Variants in IL2RA observed in about 807,000 individuals in gnomAD.
The protein encoded by IL2RA is interleukin 2 receptor subunit alpha, also known as interleukin-2 receptor subunit alpha.
In IL2RA, 24 loss-of-function variants were observed where a neutral mutation model predicts 37.8. The observed-to-expected ratio is 0.63, with a 90% CI of 0.46 to 0.89. The LOEUF (loss-of-function observed/expected upper bound fraction) is 0.89, where lower values mean the gene tolerates loss of function less well. IL2RA is among the 40% of genes least tolerant of loss of function. The probability of loss-of-function intolerance (pLI) is 0.00; values close to 1 mark genes in which losing one functional copy is unlikely to be tolerated. For missense variants in IL2RA, 319 were observed against 348.6 expected (o/e 0.92, Z 0.68); for synonymous variants, 125 against 114.6 (o/e 1.09, Z -0.58).
Position 6,024,315 on chromosome 10 carries a change from T to G in IL2RA, c.296A>C (p.Glu99Ala). Residue 99 changes from glutamate (E) to alanine (A), a missense_variant, in exon 3 of 8, where the codon GAA (glutamate) becomes GCA (alanine). By Grantham distance (107) the Glu-to-Ala change is moderately radical. Transcript: ENST00000379959. ...TGTGGTTTTCCTTTCTTTCTGTTCT[T>G]CAGGTTGAGGTGTCACTTGTTTCGT... The part of the protein sequence containing the change: ...NTTKQVTPQP[E>A]EQKERKTTEM... The G allele has an allele frequency of 6.2e-7, 1 of 1,614,156 alleles. No homozygotes were observed. The highest frequency in any genetic ancestry group is 8.5e-7 in the Non-Finnish European group (1 of 1,179,984).
rs141466955 is a variant in IL2RA, at chr10:6,025,315, C to T, written c.256+519G>A. 1.3e-5 allele frequency among the ~76,000 whole-genome samples: 2 copies of T among 152,202 alleles called. No homozygotes were observed. Among genetic ancestry groups the T allele is most frequent in the African/African-American group, 4.8e-5 (2 of 41,534 alleles). On this transcript the variant is annotated intron_variant, in intron 2 of 7. Coordinates refer to ENST00000379959, the MANE Select transcript of IL2RA (RefSeq NM_000417.3). The surrounding 1 kb of genome is among the most constrained non-coding windows in gnomAD (Gnocchi z 4.4). ...GTTGCAGTGATCTGAGATTGTACCA[C>T]CGCACCCCAGCCTGGGCAACAGAGC... is the stretch of plus-strand genomic sequence containing the variant.
chr10:6,021,542 C>T lies in IL2RA; in HGVS notation c.519G>A (p.Gly173=). The change falls in exon 4 of 8, where the codon GGG becomes GGA. Residue 173 remains glycine, a synonymous_variant. Coordinates refer to ENST00000379959, the MANE Select transcript of IL2RA (RefSeq NM_000417.3). The surrounding 1 kb of genome is among the most constrained non-coding windows in gnomAD (Gnocchi z 4.9). The part of the protein sequence containing the change: ...PAESVCKMTH[G]KTRWTQPQLI... Reference sequence around the variant, plus strand: ...GCTGGGGCTGGGTCCACCTTGTCTTCCCGTGGGTCATTTTGCAGACGCTCT... The same window carrying T: ...GCTGGGGCTGGGTCCACCTTGTCTTTCCGTGGGTCATTTTGCAGACGCTCT... 6.2e-7 allele frequency: 1 copy of T among 1,614,134 alleles called. No individual in the cohort carries two copies. Among genetic ancestry groups the T allele is most frequent in the Non-Finnish European group, 8.5e-7 (1 of 1,180,028 alleles).
rs1245517410 is a variant in IL2RA at position 6,036,198 on chromosome 10, A to C, written c.65-10173T>G. On this transcript the variant is annotated intron_variant, in intron 1 of 7. Transcript: ENST00000379959. This position sits in a 1 kb window ranked among gnomAD's most constrained non-coding sequence, Gnocchi z 6.1. ...TGTGCCCGCTAGAAAGGGAAAAGCC[A>C]GGCATTTGTAGTCCTCCTGCCACAG... 1 of 152,250 alleles carries C rather than the reference A, an allele frequency of 6.6e-6. No individual in the cohort carries two copies. Among genetic ancestry groups the C allele is most frequent in the African/African-American group, 2.4e-5 (1 of 41,456 alleles). The allele number at this position is 152,250 out of a possible 1,614,324, so 9.4% of individuals were successfully genotyped here.
At chr10:6,032,754 T>C (rs1316539778) in intron 1 of IL2RA, among the ~76,000 whole-genome samples, 1 of 150,136 alleles carries the variant, frequency 6.7e-6, no homozygotes, top group Non-Finnish European at 1.5e-5. Context: ...ATATTTGCAA[T>C]ATATATATTT....
Position 6,056,499 on chromosome 10 carries a change from C to T in IL2RA, c.64+5589G>A, listed in dbSNP as rs570879897. Among the ~76,000 whole-genome samples the T allele has an allele frequency of 1.3e-5, 2 of 152,298 alleles. No individual in the cohort carries two copies. Among genetic ancestry groups the T allele is most frequent in the South Asian group, 4.1e-4 (2 of 4,828 alleles). ...GGGCACAGTGGCTCATGCCTGTAAT[C>T]CCAGCACTTTGGAAGGCCCATGCAG... On this transcript the variant is annotated intron_variant, in intron 1 of 7. Coordinates refer to ENST00000379959, the MANE Select transcript of IL2RA (RefSeq NM_000417.3). The surrounding 1 kb of genome is among the most constrained non-coding windows in gnomAD (Gnocchi z 5.0).
Position 6,029,039 on chromosome 10 carries a change from C to G in IL2RA, c.65-3014G>C, listed in dbSNP as rs1839531696. Among the ~76,000 whole-genome samples the G allele has an allele frequency of 6.6e-6, 1 of 150,838 alleles. No homozygotes were observed. The highest frequency in any genetic ancestry group is 2.4e-5 in the African/African-American group (1 of 41,036). Reference sequence around the variant, plus strand: ...AAAATGACCTAGATTTTGGAATTAGCACAAAAGGAATTTAAAACAGTTGTA... The same window carrying G: ...AAAATGACCTAGATTTTGGAATTAGGACAAAAGGAATTTAAAACAGTTGTA... On this transcript the variant is annotated intron_variant, in intron 1 of 7. Transcript: ENST00000379959. This position sits in a 1 kb window ranked among gnomAD's most constrained non-coding sequence, Gnocchi z 4.6.
At chr10:6,019,812 G>A (rs950341876) in intron 5 of IL2RA, 58 bp downstream of exon 5, 2 of 1,502,868 alleles carry the variant, frequency 1.3e-6, no homozygotes, top group African/African-American at 1.4e-5. Flanking sequence ...CTGGCTCCTG[G>A]TCACCTCTGC....
At chr10:6,060,031 C>T (rs1164147382) in intron 1 of IL2RA, among the ~76,000 whole-genome samples, 1 of 152,036 alleles carries the variant, frequency 6.6e-6, no homozygotes, top group Non-Finnish European at 1.5e-5. Flanking sequence ...TCCCCTGCTC[C>T]CTCCAAGACC....
At chr10:6,032,485 G>T (rs1271755657) in intron 1 of IL2RA, among the ~76,000 whole-genome samples, 2 of 152,200 alleles carry the variant, frequency 1.3e-5, no homozygotes, top group East Asian at 3.9e-4. Context: ...AAGGTCAGGA[G>T]ATGGAGACCA....
At chr10:6,042,990 T>A (rs561186411) in intron 1 of IL2RA, among the ~76,000 whole-genome samples, 89 of 152,336 alleles carry the variant, frequency 5.8e-4, no homozygotes, top group African/African-American at 2.0e-3. Flanking sequence ...GTCCATGTTC[T>A]AGGATCAGTG....
At chr10:6,032,152 T>A (rs1839605238) in intron 1 of IL2RA, among the ~76,000 whole-genome samples, 1 of 68,450 alleles carries the variant, frequency 1.5e-5, no homozygotes, top group Non-Finnish European at 2.7e-5. Context: ...GATAAATGTA[T>A]GAGAAAAAAA....
chr10:6,032,752 A>G (rs1320726797), intron 1 of IL2RA, among the ~76,000 whole-genome samples: 5 of 152,100 alleles, frequency 3.3e-5, no homozygotes, highest in African/African-American at 7.2e-5. Flanking sequence ...AAATATTTGC[A>G]ATATATATAT....
chr10:6,030,264 A>G (rs1839555635), intron 1 of IL2RA, among the ~76,000 whole-genome samples: 1 of 152,230 alleles, frequency 6.6e-6, no homozygotes, highest in Non-Finnish European at 1.5e-5. Flanking sequence ...TTGAAATTTG[A>G]TGACAGATAC....
rs149324466 is a variant in IL2RA at position 6,053,376 on chromosome 10, C to T, written c.64+8712G>A. On this transcript the variant is annotated intron_variant, in intron 1 of 7. Transcript: ENST00000379959. ...AGTAATACTATGTCTGAACATAATACCTGAAAGATAGCATTTAGGCAATGG... is the reference window on the plus strand; with the variant it reads ...AGTAATACTATGTCTGAACATAATATCTGAAAGATAGCATTTAGGCAATGG... Among the ~76,000 whole-genome samples, 527 of 152,242 alleles carry T rather than the reference C, an allele frequency of 3.5e-3. 2 individuals carry two copies. The highest frequency in any genetic ancestry group is 0.012 in the African/African-American group (509 of 41,540).
chr10:6,025,955 G>T lies in IL2RA; in HGVS notation c.135C>A (p.Thr45=). 6.2e-7 allele frequency: 1 copy of T among 1,614,132 alleles called. No individual in the cohort carries two copies. The highest frequency in any genetic ancestry group is 8.5e-7 in the Non-Finnish European group (1 of 1,180,022). Residue 45 remains threonine (T), a synonymous_variant, in exon 2 of 8, where the codon ACC becomes ACA. Transcript: ENST00000379959. The surrounding 1 kb of genome is among the most constrained non-coding windows in gnomAD (Gnocchi z 4.4). The part of the protein sequence containing the change: ...TFKAMAYKEG[T]MLNCECKRGF... ...CTCTCTTGCATTCACAGTTCAACATGGTTCCTTCCTTGTAGGCCATGGCTT... is the reference window on the plus strand; with the variant it reads ...CTCTCTTGCATTCACAGTTCAACATTGTTCCTTCCTTGTAGGCCATGGCTT...
chr10:6,016,278 A>G (rs557612795), intron 7 of IL2RA, among the ~76,000 whole-genome samples: 1 of 152,264 alleles, frequency 6.6e-6, no homozygotes, highest in South Asian at 2.1e-4. Context: ...ACGTAGCACA[A>G]ACGCCCTTGA....
At chr10:6,061,937 G>A in intron 1 of IL2RA, 151 bp downstream of exon 1, 1 of 642,638 alleles carries the variant, frequency 1.6e-6, no homozygotes, top group South Asian at 1.8e-5. Flanking sequence ...GCATAAACTG[G>A]GGTCCCCGTG....
chr10:6,012,562 TCATGCTTTAATGAA>T lies in IL2RA; in HGVS notation c.*296_*309del. ...TAGGGTGGAGAGAGTTCCATACCAT[TCATGCTTTAATGAA>T]CACATATACATGAAAATAAGATGGA... On this transcript the variant is annotated 3_prime_UTR_variant, in exon 8 of 8. Coordinates refer to ENST00000379959, the MANE Select transcript of IL2RA (RefSeq NM_000417.3). The surrounding 1 kb of genome is among the most constrained non-coding windows in gnomAD (Gnocchi z 4.8). 2.0e-6 allele frequency: 1 copy of T among 495,004 alleles called. No individual in the cohort carries two copies. The highest frequency in any genetic ancestry group is 3.2e-5 in the Admixed American group (1 of 30,794). 30.7% of individuals were successfully genotyped at this position (495,004 alleles called of 1,614,324 possible).
rs1376728966 is a variant in IL2RA at position 6,047,847 on chromosome 10, A to T, written c.64+14241T>A. 6.6e-6 allele frequency among the ~76,000 whole-genome samples: 1 copy of T among 151,398 alleles called. No homozygotes were observed. The highest frequency in any genetic ancestry group is 1.5e-5 in the Non-Finnish European group (1 of 67,890). ...TATATAATAAAAGACATCATACACT[A>T]ATAGAGTATAATAGTCAATATAATT... On this transcript the variant is annotated intron_variant, in intron 1 of 7. Coordinates refer to ENST00000379959, the MANE Select transcript of IL2RA (RefSeq NM_000417.3). The surrounding 1 kb of genome is among the most constrained non-coding windows in gnomAD (Gnocchi z 5.0).
Sources: gnomAD v4.1 joint callset for allele counts (sites outside exome capture counted in the v4.1 genomes callset) on GRCh38, gnomAD v4.1.1 for gene constraint, Gnocchi (gnomAD v3.1) non-coding constraint, MANE v1.5 for transcripts, NCBI Gene and HGNC (gene_info 2026-07-23, HGNC 2026-07-21) for gene names.